Variants in GALNT9 observed in about 807,000 individuals in gnomAD.
The protein encoded by GALNT9 is polypeptide N-acetylgalactosaminyltransferase 9.
A neutral mutation model predicts 63.1 loss-of-function variants in GALNT9; 47 were observed. The observed-to-expected ratio is 0.75, with a 90% CI of 0.59 to 0.95. The LOEUF is 0.95. Among genes scored for constraint, GALNT9 ranks in the 40% least tolerant of loss-of-function variants. GALNT9 has a pLI of 0.00. For synonymous variants in GALNT9, 396 were observed against 365.7 expected (o/e 1.08, Z -0.94); for missense variants, 829 against 874.8 (o/e 0.95, Z 0.66).
intron 6 of GALNT9, among the ~76,000 whole-genome samples, chr12:132,222,959 C>CCCACACA (rs1877520914): frequency 6.3e-5 from 9 of 143,200 alleles, no homozygotes; most frequent in Non-Finnish European, 1.1e-4. Context: ...CAACTCACAC[C>CCCACACA]CCACACAACC....
chr12:132,287,475 C>T (rs1555242321), intron 1 of GALNT9, among the ~76,000 whole-genome samples: 1 of 152,190 alleles, frequency 6.6e-6, no homozygotes, highest in Non-Finnish European at 1.5e-5. Context: ...CGTGCTGCTA[C>T]TCTGGGGTAG....
chr12:132,263,381 A>T (rs880002391), intron 2 of GALNT9, among the ~76,000 whole-genome samples: 3 of 152,228 alleles, frequency 2.0e-5, no homozygotes, highest in Admixed American at 6.5e-5. Context: ...TGAACTTGCA[A>T]AATGTGTAAA....
chr12:132,215,389 C>A (rs888332253), intron 6 of GALNT9, among the ~76,000 whole-genome samples: 1 of 152,262 alleles, frequency 6.6e-6, no homozygotes, highest in Non-Finnish European at 1.5e-5. Flanking sequence ...GCCTGGATGC[C>A]ACTGCAGCCC....
Position 132,286,295 on chromosome 12 carries a change from T to G in GALNT9, c.374A>C (p.Asp125Ala). 1 of 1,551,178 alleles carries G rather than the reference T, an allele frequency of 6.4e-7. No homozygotes were observed. The highest frequency in any genetic ancestry group is 1.2e-5 in the South Asian group (1 of 84,052). The change falls in exon 2 of 11, where the codon GAC becomes GCC. Residue 125 changes from aspartate (D) to alanine (A), a missense_variant. Coordinates refer to ENST00000328957, the MANE Select transcript of GALNT9 (RefSeq NM_001122636.2). This position sits in a 1 kb window ranked among gnomAD's most constrained non-coding sequence, Gnocchi z 7.4. ...GATGCTCCGATCGAGGGAGATGCGG[T>G]CGCTGAGCTGAGCGTTGTAGCCGTA... is the stretch of plus-strand genomic sequence containing the variant. Reference protein sequence around the residue: ...EEYGYNAQLSDRISLDRSIPD... With the variant: ...EEYGYNAQLSARISLDRSIPD...
intron 6 of GALNT9, among the ~76,000 whole-genome samples, chr12:132,243,311 TACACACACA>T: frequency 1.5e-5 from 2 of 133,254 alleles, no homozygotes; most frequent in Non-Finnish European, 3.1e-5. Flanking sequence ...CTATACCCAT[TACACACACA>T]CCACACACCC....
chr12:132,264,207 G>A (rs1879511679), intron 2 of GALNT9, among the ~76,000 whole-genome samples: 1 of 152,246 alleles, frequency 6.6e-6, no homozygotes, highest in African/African-American at 2.4e-5. Context: ...GGAACAGAAG[G>A]CCTCCCTGCA....
chr12:132,201,242 C>T lies in GALNT9; in HGVS notation c.1283G>A (p.Gly428Glu). The T allele has an allele frequency of 6.2e-7, 1 of 1,613,254 alleles. No homozygotes were observed. The highest frequency in any genetic ancestry group is 8.5e-7 in the Non-Finnish European group (1 of 1,179,380). ...IPMSNPGVDF[G>E]DVSERLALRQ... ...CAGGGCCAGCCTCTCAGACACGTCC[C>T]CGAAGTCCACCCCTGGGTTCTGCAA... The change falls in exon 8 of 11, where the codon GGG (glycine) becomes GAG (glutamate). Residue 428 changes from glycine to glutamate, a missense_variant. Coordinates refer to ENST00000328957, the MANE Select transcript of GALNT9 (RefSeq NM_001122636.2).
chr12:132,326,561 C>T (rs115234942), intron 1 of GALNT9, among the ~76,000 whole-genome samples: 128 of 152,298 alleles, frequency 8.4e-4, no homozygotes, highest in African/African-American at 2.8e-3. Context: ...CAGTGGCCCT[C>T]CCGCTCCTCC....
chr12:132,257,640 C>A (rs996683521), intron 5 of GALNT9, 49 bp downstream of exon 5: 1 of 1,440,272 alleles, frequency 6.9e-7, no homozygotes, highest in Non-Finnish European at 9.4e-7. Flanking sequence ...CGCTCTGCTC[C>A]GCTCCTTGCC....
chr12:132,236,215 C>T lies in GALNT9; in HGVS notation c.1077+11695G>A, dbSNP rs1447149050. Among the ~76,000 whole-genome samples the T allele has an allele frequency of 6.6e-6, 1 of 152,188 alleles. No homozygotes were observed. Among genetic ancestry groups the T allele is most frequent in the African/African-American group, 2.4e-5 (1 of 41,442 alleles). ...CAAGCAAATGCCAGCCTCCCTCCCCCAGGCATCGATCTCGTGAATAAATCA... is the reference window on the plus strand; with the variant it reads ...CAAGCAAATGCCAGCCTCCCTCCCCTAGGCATCGATCTCGTGAATAAATCA... On this transcript the variant is annotated intron_variant, in intron 6 of 10. Coordinates refer to ENST00000328957, the MANE Select transcript of GALNT9 (RefSeq NM_001122636.2). This position sits in a 1 kb window ranked among gnomAD's most constrained non-coding sequence, Gnocchi z 5.6.
In GALNT9 at chr12:132,293,110, C is replaced by T. The variant is rs541967337; in HGVS notation, c.239-6680G>A. Reference sequence around the variant, plus strand: ...GCCTCACCCCACAGTGGGGCCGAGCCGGCCAGGCCTCAACCTTTAGTTGCT... The same window carrying T: ...GCCTCACCCCACAGTGGGGCCGAGCTGGCCAGGCCTCAACCTTTAGTTGCT... On this transcript the variant is annotated intron_variant, in intron 1 of 10. Transcript: ENST00000328957. Among the ~76,000 whole-genome samples, 6 of 152,274 alleles carry T rather than the reference C, an allele frequency of 3.9e-5. No individual in the cohort carries two copies. The East Asian group carries it at 1.2e-3, about 29-fold the overall frequency.
At chr12:132,322,349 C>T (rs1231990050) in intron 1 of GALNT9, among the ~76,000 whole-genome samples, 4 of 152,244 alleles carry the variant, frequency 2.6e-5, no homozygotes, top group Admixed American at 6.5e-5. Context: ...GCGTCCTCAG[C>T]GCAGTTCAGG....
intron 6 of GALNT9, 64 bp from the exon 7 acceptor site, chr12:132,203,754 A>C (rs1431962829): frequency 1.4e-5 from 22 of 1,544,864 alleles, no homozygotes; most frequent in Non-Finnish European, 1.9e-5. Context: ...CCGGCCAGCT[A>C]GGGGCCCGTG....
chr12:132,325,778 T>C (rs1464823447), intron 1 of GALNT9, among the ~76,000 whole-genome samples: 1 of 152,236 alleles, frequency 6.6e-6, no homozygotes, highest in Non-Finnish European at 1.5e-5. Context: ...CTCTGAATTT[T>C]AGAAACAACC....
chr12:132,300,755 ATAACTCACTCCCATGATAAC>A (rs1881264463), intron 1 of GALNT9, among the ~76,000 whole-genome samples: 2 of 150,032 alleles, frequency 1.3e-5, no homozygotes, highest in Non-Finnish European at 3.0e-5. Context: ...CACTCCTGAG[ATAACTCACTCCCATGATAAC>A]TAACCCACTC....
chr12:132,308,586 G>A (rs999238221), intron 1 of GALNT9, among the ~76,000 whole-genome samples: 24 of 152,288 alleles, frequency 1.6e-4, no homozygotes, highest in African/African-American at 5.1e-4. Flanking sequence ...GGGAGGTAAG[G>A]TGGGGTGGGA....
rs112580869 is a variant in GALNT9, at chr12:132,326,194, C to T, written c.238+2772G>A. Among the ~76,000 whole-genome samples, 484 of 152,332 alleles carry T rather than the reference C, an allele frequency of 3.2e-3. 1 individual carries two copies. Among genetic ancestry groups the T allele is most frequent in the African/African-American group, 0.011 (455 of 41,582 alleles). On this transcript the variant is annotated intron_variant, in intron 1 of 10. Transcript: ENST00000328957. ...TGGAGACAGTTCTTCCCCTTCTTTT[C>T]CTTGAGTTTAGAGGCTCTGAAATTT...
chr12:132,306,654 CT>C (rs1881626520), intron 1 of GALNT9, among the ~76,000 whole-genome samples: 1 of 152,242 alleles, frequency 6.6e-6, no homozygotes, highest in Admixed American at 6.5e-5. Flanking sequence ...TTCTCCACGC[CT>C]TCCCCCCTGC....
chr12:132,280,850 C>T (rs1376829182), intron 2 of GALNT9: 4 of 152,314 alleles, frequency 2.6e-5, no homozygotes, highest in Non-Finnish European at 5.9e-5. Context: ...CTCCACGTCC[C>T]CGCTCTGCCA....
Sources: gnomAD v4.1 joint callset for allele counts (sites outside exome capture counted in the v4.1 genomes callset) on GRCh38, gnomAD v4.1.1 for gene constraint, Gnocchi (gnomAD v3.1) non-coding constraint, MANE v1.5 for transcripts, NCBI Gene and HGNC (gene_info 2026-07-23, HGNC 2026-07-21) for gene names.